SPINT4: variants seen among roughly 807,000 people sequenced by gnomAD.
SPINT4 encodes kunitz-type protease inhibitor 4.
A neutral mutation model predicts 9.4 loss-of-function variants in SPINT4; 7 were observed. The observed-to-expected ratio is 0.74, with a 90% confidence interval of 0.42 to 1.40. SPINT4 has a LOEUF of 1.40. Among genes scored for constraint, SPINT4 ranks in the 40% most tolerant of loss-of-function variants. The pLI is 0.01. For synonymous variants in SPINT4, 36 were observed against 39.9 expected (o/e 0.90, Z 0.37); for missense variants, 105 against 114.4 (o/e 0.92, Z 0.37).
chr20:45,724,115 AT>A, intron 2 of SPINT4, 58 bp downstream of exon 2: 1 of 1,510,164 alleles, frequency 6.6e-7, no homozygotes, highest in South Asian at 1.3e-5. Context: ...AGGTTTTGAC[AT>A]CCTAAGATAG....
At position 45,725,675 on chromosome 20, in the gene SPINT4, A is replaced by T. The variant is rs1056649313; in HGVS notation, c.*40A>T. 6 of 1,610,830 alleles carry T rather than the reference A, an allele frequency of 3.7e-6. No individual in the cohort carries two copies. The African/African-American group carries it at 8.0e-5, about 22-fold the overall frequency. On this transcript the variant is annotated 3_prime_UTR_variant, in exon 3 of 3. Coordinates refer to ENST00000279058, the MANE Select transcript of SPINT4 (RefSeq NM_178455.3). ...ATGAAGTTGTCTGCTGCACCATCCG[A>T]AATAAAGACACAAGAAAATTCAGAC...
At chr20:45,723,064 C>G (rs1223027242) in intron 1 of SPINT4, among the ~76,000 whole-genome samples, 5 of 152,100 alleles carry the variant, frequency 3.3e-5, no homozygotes, top group Admixed American at 6.5e-5. Context: ...TGCCCTTGGA[C>G]AAGTCACTCA....
At chr20:45,723,747 C>T in intron 1 of SPINT4, 133 bp from the exon 2 acceptor site, 1 of 726,286 alleles carries the variant, frequency 1.4e-6, no homozygotes, top group African/African-American at 1.8e-5. Context: ...AAGAGAAAAC[C>T]ACATCTTTCA....
intron 2 of SPINT4, among the ~76,000 whole-genome samples, chr20:45,724,995 AATAT>A (rs1156730831): frequency 1.2e-3 from 42 of 36,408 alleles, no homozygotes; most frequent in African/African-American, 3.6e-3. Flanking sequence ...AAAAAAAAAA[AATAT>A]ATATATATAT....
intron 2 of SPINT4, among the ~76,000 whole-genome samples, chr20:45,725,027 T>TATATATA: frequency 8.8e-6 from 1 of 113,430 alleles, no homozygotes; most frequent in African/African-American, 3.5e-5. Context: ...TATATATATA[T>TATATATA]CAATAGATAT....
intron 1 of SPINT4, 82 bp from the exon 2 acceptor site, chr20:45,723,798 A>C: frequency 8.4e-7 from 1 of 1,194,816 alleles, no homozygotes; most frequent in Non-Finnish European, 1.2e-6. Context: ...TAAACGTAGG[A>C]ATTTTTAAGG....
At chr20:45,724,754 G>C (rs1984892383) in intron 2 of SPINT4, among the ~76,000 whole-genome samples, 1 of 149,960 alleles carries the variant, frequency 6.7e-6, no homozygotes, top group Non-Finnish European at 1.5e-5. Flanking sequence ...GCCGAGGTGG[G>C]CGGATCACAA....
Position 45,722,378 on chromosome 20 carries a change from C to A in SPINT4, c.11C>A (p.Ala4Asp), listed in dbSNP as rs1270258477. The A allele has an allele frequency of 1.9e-6, 3 of 1,611,352 alleles. No homozygotes were observed. Among genetic ancestry groups the A allele is most frequent in the African/African-American group, 2.7e-5 (2 of 74,892 alleles). MKS[A>D]KLGFLLRFFI... is the part of the protein sequence containing the mutation. ...GCTGCTTGCTGCACCATGAAGTCTG[C>A]CAAGCTGGGATTTCTTCTAAGATTC... is the stretch of plus-strand genomic sequence containing the variant. The change falls in exon 1 of 3, where the codon GCC (alanine) becomes GAC (aspartate). Residue 4 changes from alanine to aspartate, a missense_variant. Ala to Asp is a moderately radical substitution (Grantham distance 126). Coordinates refer to ENST00000279058, the MANE Select transcript of SPINT4 (RefSeq NM_178455.3).
chr20:45,725,748 A>C lies in SPINT4; in HGVS notation c.*113A>C, dbSNP rs232259. ...TTTCCATAATGCTTTAAGCTTCCAT[A>C]TGTTTGCTATTTTCCTGACCCTAGT... On this transcript the variant is annotated 3_prime_UTR_variant, in exon 3 of 3. Coordinates refer to ENST00000279058, the MANE Select transcript of SPINT4 (RefSeq NM_178455.3). 0.47 allele frequency: 649,828 copies of C among 1,389,540 alleles called. 165,653 individuals are homozygous for C. The highest frequency in any genetic ancestry group is 0.88 in the African/African-American group (61,821 of 70,626). 86.1% of individuals were successfully genotyped at this position (1,389,540 alleles called of 1,614,324 possible). A position where few individuals can be genotyped will look rare whatever the true frequency, so the allele number is the denominator to read the frequency against.
chr20:45,722,375 C>G lies in SPINT4; in HGVS notation c.8C>G (p.Ser3Cys). Residue 3 changes from serine to cysteine, a missense_variant, in exon 1 of 3, where the codon TCT becomes TGT. Physicochemically the swap from Ser to Cys is moderately radical, Grantham distance 112 (BLOSUM62 -1). Coordinates refer to ENST00000279058, the MANE Select transcript of SPINT4 (RefSeq NM_178455.3). ...CCTGCTGCTTGCTGCACCATGAAGT[C>G]TGCCAAGCTGGGATTTCTTCTAAGA... MKSAKLGFLLRFF... is the reference protein window; with the variant it reads MKCAKLGFLLRFF... 6.2e-7 allele frequency: 1 copy of G among 1,610,406 alleles called. No individual in the cohort carries two copies. The highest frequency in any genetic ancestry group is 8.5e-7 in the Non-Finnish European group (1 of 1,176,524).
intron 2 of SPINT4, among the ~76,000 whole-genome samples, chr20:45,724,995 A>AATATATATATAT (rs1156730831): frequency 1.4e-4 from 5 of 36,428 alleles, no homozygotes; most frequent in Non-Finnish European, 2.1e-4. Flanking sequence ...AAAAAAAAAA[A>AATATATATATAT]ATATATATAT....
At chr20:45,723,805 A>T in intron 1 of SPINT4, 75 bp from the exon 2 acceptor site, 1 of 1,217,052 alleles carries the variant, frequency 8.2e-7, no homozygotes, top group Non-Finnish European at 1.1e-6. Flanking sequence ...AGGAATTTTT[A>T]AGGGCCCATA....
At chr20:45,724,995 A>AATATATATAT (rs1156730831) in intron 2 of SPINT4, among the ~76,000 whole-genome samples, 19 of 36,430 alleles carry the variant, frequency 5.2e-4, no homozygotes, top group South Asian at 1.1e-3. Context: ...AAAAAAAAAA[A>AATATATATAT]ATATATATAT....
chr20:45,724,995 A>ATATATATATATATATACAC, intron 2 of SPINT4, among the ~76,000 whole-genome samples: 1 of 36,428 alleles, frequency 2.7e-5, no homozygotes, highest in Non-Finnish European at 4.3e-5. Context: ...AAAAAAAAAA[A>ATATATATATATATATACAC]ATATATATAT....
intron 1 of SPINT4, among the ~76,000 whole-genome samples, 190 bp downstream of exon 1, chr20:45,722,672 C>G (rs987197111): frequency 2.6e-5 from 4 of 151,998 alleles, no homozygotes; most frequent in African/African-American, 9.7e-5. Context: ...TGAGAAAAAA[C>G]AGAAATGACA....
Position 45,725,652 on chromosome 20 carries a change from G to A in SPINT4, c.*17G>A, listed in dbSNP as rs1158063660. ...AGGAGGTGAGAGGATGTGAACTCAT[G>A]AAGTTGTCTGCTGCACCATCCGAAA... On this transcript the variant is annotated 3_prime_UTR_variant, in exon 3 of 3. Transcript: ENST00000279058. 1.2e-6 allele frequency: 2 copies of A among 1,613,606 alleles called. No individual in the cohort carries two copies. The highest frequency in any genetic ancestry group is 1.7e-6 in the Non-Finnish European group (2 of 1,179,546).
rs761783176 is a variant in SPINT4, at chr20:45,722,421, G to A, written c.54G>A (p.Leu18=). The A allele has an allele frequency of 1.2e-6, 2 of 1,613,848 alleles. No individual in the cohort carries two copies. Among genetic ancestry groups the A allele is most frequent in the East Asian group, 4.5e-5 (2 of 44,886 alleles). Residue 18 remains leucine, a synonymous_variant, in exon 1 of 3, where the codon TTG becomes TTA. Coordinates refer to ENST00000279058, the MANE Select transcript of SPINT4 (RefSeq NM_178455.3). ...TAAGATTCTTCATCTTCTGCTCATT[G>A]AATACCCTGTTATTGGGTGGTGTTA... ...FLLRFFIFCS[L]NTLLLGGVNK...
chr20:45,725,821 CT>C lies in SPINT4; in HGVS notation c.*189del. The C allele has an allele frequency of 1.4e-6, 1 of 720,016 alleles. No homozygotes were observed. Among genetic ancestry groups the C allele is most frequent in the Non-Finnish European group, 2.3e-6 (1 of 428,546 alleles). The allele number at this position is 720,016 out of a possible 1,614,324, so 44.6% of individuals were successfully genotyped here. A position where few individuals can be genotyped will look rare whatever the true frequency, so the allele number is the denominator to read the frequency against. On this transcript the variant is annotated 3_prime_UTR_variant, in exon 3 of 3. Coordinates refer to ENST00000279058, the MANE Select transcript of SPINT4 (RefSeq NM_178455.3). ...TGTATGATCATTAGAATGAAAGAGT[CT>C]TTCTGTCAGCCCTGGCTCTCTTAAT...
At chr20:45,724,512 T>TAAA (rs58689567) in intron 2 of SPINT4, among the ~76,000 whole-genome samples, 1 of 114,506 alleles carries the variant, frequency 8.7e-6, no homozygotes, top group Admixed American at 9.5e-5. Flanking sequence ...AAACTCCATC[T>TAAA]AAAAAAAAAA....
Sources: allele counts gnomAD v4.1 joint callset (sites outside exome capture counted in the v4.1 genomes callset), GRCh38; gene constraint gnomAD v4.1.1; transcripts MANE v1.5; gene names NCBI Gene and HGNC (gene_info 2026-07-23, HGNC 2026-07-21).